The following UGGT2 variants were observed in gnomAD, a reference collection of about 807,000 sequenced individuals.
UGGT2 encodes UDP-glucose glycoprotein glucosyltransferase 2.
In UGGT2, 180 loss-of-function variants were observed where a neutral mutation model predicts 192.1. The ratio of observed to expected loss-of-function variants is 0.94; its 90% CI spans 0.83 to 1.06. The LOEUF (loss-of-function observed/expected upper bound fraction) is 1.06. UGGT2 is among the 50% of genes least tolerant of loss of function. The pLI, the probability that UGGT2 is intolerant of heterozygous loss-of-function variation, is 0.00. For synonymous variants in UGGT2, 580 were observed against 591.0 expected (o/e 0.98, Z 0.27); for missense variants, 1,849 against 1,795.7 (o/e 1.03, Z -0.54).
At chr13:95,838,478 T>A (rs1420688508) in intron 36 of UGGT2, among the ~76,000 whole-genome samples, 1 of 152,026 alleles carries the variant, frequency 6.6e-6, no homozygotes, top group African/African-American at 2.4e-5. Flanking sequence ...AAGGAAAAGA[T>A]CCAGAATATC....
intron 1 of UGGT2, among the ~76,000 whole-genome samples, chr13:96,040,926 A>C (rs1302836875): frequency 3.3e-5 from 5 of 152,218 alleles, no homozygotes; most frequent in African/African-American, 1.2e-4. Flanking sequence ...AGATCTAGGC[A>C]AACAGTTAAA....
chr13:96,014,369 A>C (rs1211265151), intron 4 of UGGT2, among the ~76,000 whole-genome samples: 1 of 152,234 alleles, frequency 6.6e-6, no homozygotes, highest in African/African-American at 2.4e-5. Flanking sequence ...GTTAGTGAAA[A>C]GAAGGTGGGT....
At chr13:95,827,812 G>C (rs1349280333) in intron 38 of UGGT2, among the ~76,000 whole-genome samples, 1 of 152,116 alleles carries the variant, frequency 6.6e-6, no homozygotes, top group African/African-American at 2.4e-5. Flanking sequence ...CATTGTTCTT[G>C]TGGATGGGAT....
intron 36 of UGGT2, among the ~76,000 whole-genome samples, chr13:95,843,832 T>C (rs1198146489): frequency 6.6e-6 from 1 of 152,198 alleles, no homozygotes; most frequent in Non-Finnish European, 1.5e-5. Flanking sequence ...AAATTGTCTA[T>C]CTTTACACCA....
intron 29 of UGGT2, among the ~76,000 whole-genome samples, chr13:95,868,890 T>C (rs1029761692): frequency 6.6e-6 from 1 of 152,086 alleles, no homozygotes; most frequent in Non-Finnish European, 1.5e-5. Context: ...ACTGTTTTTT[T>C]TTTATTTATT....
intron 17 of UGGT2, among the ~76,000 whole-genome samples, chr13:95,930,804 GATGTTCAGAT>G (rs2049227785): frequency 6.6e-6 from 1 of 152,190 alleles, no homozygotes; most frequent in Admixed American, 6.5e-5. Context: ...TGTTCCTTCT[GATGTTCAGAT>G]GTGTTCGGGG....
chr13:95,875,226 T>G (rs1408399152), intron 29 of UGGT2, among the ~76,000 whole-genome samples: 1 of 152,254 alleles, frequency 6.6e-6, no homozygotes, highest in East Asian at 1.9e-4. Flanking sequence ...TACTTATCCA[T>G]ATATCTTCTT....
intron 38 of UGGT2, among the ~76,000 whole-genome samples, chr13:95,810,151 G>A (rs1884510120): frequency 6.6e-6 from 1 of 152,020 alleles, no homozygotes; most frequent in Admixed American, 6.6e-5. Context: ...GTAATATCAT[G>A]GCTTTCTTCT....
chr13:95,980,760 C>T (rs1299052924), intron 10 of UGGT2, among the ~76,000 whole-genome samples: 1 of 152,152 alleles, frequency 6.6e-6, no homozygotes, highest in African/African-American at 2.4e-5. Flanking sequence ...TCTTGGGAGG[C>T]CAAGGCGGGG....
At chr13:95,992,549 A>G (rs1235359886) in intron 7 of UGGT2, among the ~76,000 whole-genome samples, 1 of 152,154 alleles carries the variant, frequency 6.6e-6, no homozygotes, top group Admixed American at 6.6e-5. Context: ...GTATCCTGAA[A>G]CTTACAGAAG....
intron 4 of UGGT2, among the ~76,000 whole-genome samples, chr13:96,016,785 G>C (rs1035340960): frequency 2.6e-5 from 4 of 152,200 alleles, no homozygotes; most frequent in African/African-American, 4.8e-5. Flanking sequence ...CTAGTGGAGG[G>C]GGGGCTGCAA....
intron 5 of UGGT2, among the ~76,000 whole-genome samples, chr13:96,002,618 A>G (rs2139023957): frequency 6.6e-6 from 1 of 152,348 alleles, no homozygotes; most frequent in South Asian, 2.1e-4. Flanking sequence ...ATCTTTATGT[A>G]GATTATGCAA....
chr13:95,837,489 G>A (rs1887425776), intron 36 of UGGT2, among the ~76,000 whole-genome samples: 2 of 152,142 alleles, frequency 1.3e-5, no homozygotes, highest in South Asian at 4.1e-4. Context: ...CCCCACAATG[G>A]ACAGCCTCAC....
chr13:96,036,031 T>A (rs903197931), intron 1 of UGGT2, among the ~76,000 whole-genome samples: 5 of 152,174 alleles, frequency 3.3e-5, no homozygotes, highest in Non-Finnish European at 7.3e-5. Flanking sequence ...AGAAATACCA[T>A]TTGACCCAGC....
intron 10 of UGGT2, among the ~76,000 whole-genome samples, chr13:95,974,456 A>C (rs924186769): frequency 6.6e-6 from 1 of 152,170 alleles, no homozygotes; most frequent in African/African-American, 2.4e-5. Flanking sequence ...ATCCATATTA[A>C]ATTGCTAAAT....
intron 8 of UGGT2, among the ~76,000 whole-genome samples, chr13:95,986,656 TTC>T: frequency 6.6e-6 from 1 of 152,222 alleles, no homozygotes; most frequent in Admixed American, 6.5e-5. Flanking sequence ...TACCTCTTGT[TTC>T]CACAAATTAC....
At chr13:95,974,010 G>A (rs548617676) in intron 10 of UGGT2, among the ~76,000 whole-genome samples, 10 of 152,260 alleles carry the variant, frequency 6.6e-5, no homozygotes, top group African/African-American at 2.2e-4. Flanking sequence ...ACATAATAGG[G>A]ACTTGTGTGA....
At chr13:95,807,728 T>TTTTTTTTTTTTTTTTC (rs1453091166) in intron 38 of UGGT2, among the ~76,000 whole-genome samples, 4 of 147,452 alleles carry the variant, frequency 2.7e-5, no homozygotes, top group African/African-American at 1.0e-4. Flanking sequence ...TTTTTTTTTT[T>TTTTTTTTTTTTTTTTC]TTTTTTTGCC....
intron 33 of UGGT2, among the ~76,000 whole-genome samples, chr13:95,859,151 T>C (rs1889908672): frequency 6.6e-6 from 1 of 152,120 alleles, no homozygotes; most frequent in African/African-American, 2.4e-5. Context: ...TGCCCAGCAA[T>C]CAATACACTA....
Sources: allele counts gnomAD v4.1 joint callset (sites outside exome capture counted in the v4.1 genomes callset), GRCh38; gene constraint gnomAD v4.1.1; transcripts MANE v1.5; gene names NCBI Gene and HGNC (gene_info 2026-07-23, HGNC 2026-07-21).